The following FBLN1 variants were observed in gnomAD, a reference collection of about 807,000 sequenced individuals.
FBLN1 encodes the protein fibulin 1.
A neutral mutation model predicts 89.7 loss-of-function variants in FBLN1; 34 were observed. That is an observed-to-expected ratio of 0.38 (90% CI 0.29 to 0.50). The LOEUF is 0.50. Among genes scored for constraint, FBLN1 ranks in the 20% least tolerant of loss-of-function variants. FBLN1 has a pLI of 0.92. For synonymous variants in FBLN1, 393 were observed against 391.3 expected, an observed-to-expected ratio of 1.00 and a Z score of -0.05; for missense variants, 777 against 988.1, an observed-to-expected ratio of 0.79 and a Z score of 2.86.
Position 45,550,549 on chromosome 22 carries a change from A to G in FBLN1, c.1631A>G (p.Asn544Ser). The G allele has an allele frequency of 6.2e-7, 1 of 1,614,116 alleles. No homozygotes were observed. Among genetic ancestry groups the G allele is most frequent in the Non-Finnish European group, 8.5e-7 (1 of 1,180,026 alleles). Residue 544 changes from asparagine (N) to serine (S), a missense_variant, in exon 14 of 17, where the codon AAC becomes AGC. Coordinates refer to ENST00000327858, the MANE Select transcript of FBLN1 (RefSeq NM_006486.3). The surrounding 1 kb of genome is among the most constrained non-coding windows in gnomAD (Gnocchi z 8.4). ...TGCTCCATCAACGAGACCTGCTTCA[A>G]CATCCAGGGCGGCTTCCGCTGCCTG... ...HNCSINETCF[N>S]IQGGFRCLAF...
Position 45,563,054 on chromosome 22 carries a change from G to C in FBLN1, c.1698-11457G>C, listed in dbSNP as rs199711037. The C allele has an allele frequency of 1.9e-6, 3 of 1,613,210 alleles. No homozygotes were observed. Among genetic ancestry groups the C allele is most frequent in the Admixed American group, 1.7e-5 (1 of 59,992 alleles). ...CATGGGCCCCTCCAGTGCTGTCCCCGGGGACAGCATGCAGCTGGCCATCAC... is the reference window on the plus strand; with the variant it reads ...CATGGGCCCCTCCAGTGCTGTCCCCCGGGACAGCATGCAGCTGGCCATCAC... On this transcript the variant is annotated intron_variant, in intron 14 of 16. Transcript: ENST00000327858. The surrounding 1 kb of genome is among the most constrained non-coding windows in gnomAD (Gnocchi z 5.7).
At chr22:45,565,016 C>T in intron 14 of FBLN1, 1 of 1,612,930 alleles carries the variant, frequency 6.2e-7, no homozygotes, top group East Asian at 2.2e-5. Context: ...CCTGGACAGA[C>T]AGTCAGCTCC....
In FBLN1 at chr22:45,550,818, A is replaced by G; in HGVS notation, c.1697+203A>G. Reference sequence around the variant, plus strand: ...TCGGAAAGTCAAGGGGGTAACTGCAAATGAGTCTGGGGTCTATAGTCATGT... The same window carrying G: ...TCGGAAAGTCAAGGGGGTAACTGCAGATGAGTCTGGGGTCTATAGTCATGT... On this transcript the variant is annotated intron_variant, in intron 14 of 16. Coordinates refer to ENST00000327858, the MANE Select transcript of FBLN1 (RefSeq NM_006486.3). This position sits in a 1 kb window ranked among gnomAD's most constrained non-coding sequence, Gnocchi z 8.4. 1 of 702,426 alleles carries G rather than the reference A, an allele frequency of 1.4e-6. No homozygotes were observed. The highest frequency in any genetic ancestry group is 2.5e-6 in the Non-Finnish European group (1 of 401,028). 43.5% of individuals were successfully genotyped at this position (702,426 alleles called of 1,614,324 possible).
At chr22:45,569,055 C>T (rs2088928605) in intron 14 of FBLN1, among the ~76,000 whole-genome samples, 1 of 152,204 alleles carries the variant, frequency 6.6e-6, no homozygotes, top group South Asian at 2.1e-4. Flanking sequence ...AGTGTGACCT[C>T]ATCTTAACTG....
rs556432865 is a variant in FBLN1 at position 45,565,063 on chromosome 22, A to C, written c.1698-9448A>C. 9 of 1,605,398 alleles carry C rather than the reference A, an allele frequency of 5.6e-6. No homozygotes were observed. The African/African-American group carries it at 9.3e-5, about 17-fold the overall frequency. On this transcript the variant is annotated intron_variant, in intron 14 of 16. Coordinates refer to ENST00000327858, the MANE Select transcript of FBLN1 (RefSeq NM_006486.3). ...TGAGCAGCTGTGATTGTGCCACGGG[A>C]GCATGAGCCCTTTTCCCCACGGCCC...
At chr22:45,571,900 G>A (rs1316571179) in intron 14 of FBLN1, among the ~76,000 whole-genome samples, 1 of 152,078 alleles carries the variant, frequency 6.6e-6, no homozygotes, top group Non-Finnish European at 1.5e-5. Flanking sequence ...GGAGGCCAAG[G>A]CAGGCAGATC....
chr22:45,556,782 TG>T lies in FBLN1; in HGVS notation c.1697+6168del, dbSNP rs1450527651. On this transcript the variant is annotated intron_variant, in intron 14 of 16. Coordinates refer to ENST00000327858, the MANE Select transcript of FBLN1 (RefSeq NM_006486.3). This position sits in a 1 kb window ranked among gnomAD's most constrained non-coding sequence, Gnocchi z 4.6. ...TTCCAGTTTAATGGAATCCTTGTTC[TG>T]TCTCCTGGTGGCGGCGTTCCTCCCT... Among the ~76,000 whole-genome samples, 3 of 152,196 alleles carry T rather than the reference TG, an allele frequency of 2.0e-5. No homozygotes were observed. The highest frequency in any genetic ancestry group is 4.8e-5 in the African/African-American group (2 of 41,452).
intron 14 of FBLN1, among the ~76,000 whole-genome samples, chr22:45,552,758 C>T (rs2088721109): frequency 6.6e-6 from 1 of 152,192 alleles, no homozygotes. Context: ...GTAACTGGAG[C>T]ATGACCCAGG....
At chr22:45,519,207 G>A (rs1029817955) in intron 2 of FBLN1, among the ~76,000 whole-genome samples, 10 of 152,174 alleles carry the variant, frequency 6.6e-5, no homozygotes, top group African/African-American at 1.9e-4. Flanking sequence ...AGAGTGAAGC[G>A]TTCCACCAGC....
In FBLN1 at chr22:45,574,619, G is replaced by A. The variant is rs1490111906; in HGVS notation, c.1806G>A (p.Ser602=). 13 of 1,613,906 alleles carry A rather than the reference G, an allele frequency of 8.1e-6. No individual in the cohort carries two copies. Among genetic ancestry groups the A allele is most frequent in the East Asian group, 2.2e-5 (1 of 44,884 alleles). Residue 602 remains serine, a synonymous_variant, in exon 15 of 17, where the codon TCG becomes TCA. Coordinates refer to ENST00000327858, the MANE Select transcript of FBLN1 (RefSeq NM_006486.3). This position sits in a 1 kb window ranked among gnomAD's most constrained non-coding sequence, Gnocchi z 4.1. ...PVHTISHTVI[S]LPTFREFTRP... is the part of the protein sequence containing the mutation. ...ACACCATCTCCCACACCGTCATCTC[G>A]CTGCCTACCTTCCGCGAGTTCACCC...
intron 14 of FBLN1, among the ~76,000 whole-genome samples, chr22:45,553,472 A>C (rs1051425398): frequency 2.0e-5 from 3 of 152,212 alleles, no homozygotes; most frequent in Admixed American, 2.0e-4. Flanking sequence ...CACACTGGCT[A>C]AAAGGGATTT....
intron 16 of FBLN1, among the ~76,000 whole-genome samples, chr22:45,598,460 ACCCAT>A: frequency 6.6e-6 from 1 of 152,178 alleles, no homozygotes; most frequent in Non-Finnish European, 1.5e-5. Flanking sequence ...AAATGTCAGC[ACCCAT>A]AGGTCTGTGC....
intron 3 of FBLN1, among the ~76,000 whole-genome samples, chr22:45,525,911 G>A (rs1403766006): frequency 1.3e-5 from 2 of 152,252 alleles, no homozygotes; most frequent in Non-Finnish European, 2.9e-5. Context: ...CACGAGGCCG[G>A]GGGGTGAAGT....
At chr22:45,538,864 A>G (rs1289172913) in intron 8 of FBLN1, among the ~76,000 whole-genome samples, 2 of 152,168 alleles carry the variant, frequency 1.3e-5, no homozygotes, top group African/African-American at 4.8e-5. Context: ...TGCCTGTAGC[A>G]GAAGAGCTCT....
Position 45,600,906 on chromosome 22 carries a change from G to T in FBLN1, c.*460G>T, listed in dbSNP as rs2146675792. On this transcript the variant is annotated 3_prime_UTR_variant, in exon 17 of 17. Coordinates refer to ENST00000327858, the MANE Select transcript of FBLN1 (RefSeq NM_006486.3). ...GCTGCTGTAGAATAGCACAGACGTG[G>T]ATGATAAATTATCCCCAGAAGCAGC... The T allele has an allele frequency of 4.7e-6, 1 of 212,446 alleles. No individual in the cohort carries two copies. The highest frequency in any genetic ancestry group is 9.5e-6 in the Non-Finnish European group (1 of 105,004). The allele number at this position is 212,446 out of a possible 1,614,324, so 13.2% of individuals were successfully genotyped here.
rs537055681 is a variant in FBLN1 at position 45,550,441 on chromosome 22, A to G, written c.1574-51A>G. On this transcript the variant is annotated intron_variant, in intron 13 of 16. Coordinates refer to ENST00000327858, the MANE Select transcript of FBLN1 (RefSeq NM_006486.3). The surrounding 1 kb of genome is among the most constrained non-coding windows in gnomAD (Gnocchi z 8.4). ...TGGGCTCCTCCGTCTCCAGATGGGT[A>G]TGGCTCCTGCAGCCTCTGCCTTCAC... 18 of 1,612,762 alleles carry G rather than the reference A, an allele frequency of 1.1e-5. No homozygotes were observed. The East Asian group carries it at 1.8e-4, about 16-fold the overall frequency.
intron 16 of FBLN1, among the ~76,000 whole-genome samples, chr22:45,599,037 A>T (rs1353403482): frequency 6.6e-6 from 1 of 152,126 alleles, no homozygotes; most frequent in African/African-American, 2.4e-5. Context: ...GGCCATGGAG[A>T]TGGCGGGCCC....
Position 45,549,311 on chromosome 22 carries a change from C to T in FBLN1, c.1573+567C>T, listed in dbSNP as rs770002923. Reference sequence around the variant, plus strand: ...GGTGCTGAGTAGATGTTTGTGAGCGCGTGATCCTCAGTGTACACACTGCGC... The same window carrying T: ...GGTGCTGAGTAGATGTTTGTGAGCGTGTGATCCTCAGTGTACACACTGCGC... On this transcript the variant is annotated intron_variant, in intron 13 of 16. Transcript: ENST00000327858. The surrounding 1 kb of genome is among the most constrained non-coding windows in gnomAD (Gnocchi z 5.7). 6.6e-6 allele frequency among the ~76,000 whole-genome samples: 1 copy of T among 152,306 alleles called. No individual in the cohort carries two copies.
rs1295735179 is a variant in FBLN1 at position 45,545,007 on chromosome 22, C to T, written c.1321+1481C>T. 5.3e-5 allele frequency among the ~76,000 whole-genome samples: 8 copies of T among 152,208 alleles called. No individual in the cohort carries two copies. The highest frequency in any genetic ancestry group is 1.2e-4 in the African/African-American group (5 of 41,446). On this transcript the variant is annotated intron_variant, in intron 11 of 16. Coordinates refer to ENST00000327858, the MANE Select transcript of FBLN1 (RefSeq NM_006486.3). The surrounding 1 kb of genome is among the most constrained non-coding windows in gnomAD (Gnocchi z 5.9). Reference sequence around the variant, plus strand: ...TGGTGCCGTGCACTGGCTCACAGGACGGCTTCTGCAGCCTGACTCAAACAT... The same window carrying T: ...TGGTGCCGTGCACTGGCTCACAGGATGGCTTCTGCAGCCTGACTCAAACAT...
Sources: gnomAD v4.1 joint callset for allele counts (sites outside exome capture counted in the v4.1 genomes callset) on GRCh38, gnomAD v4.1.1 for gene constraint, Gnocchi (gnomAD v3.1) non-coding constraint, MANE v1.5 for transcripts, NCBI Gene and HGNC (gene_info 2026-07-23, HGNC 2026-07-21) for gene names.